OPCML: variants seen among roughly 807,000 people sequenced by gnomAD.
OPCML encodes the protein opioid binding protein/cell adhesion molecule like.
Under a neutral mutation model 37.8 loss-of-function variants are expected in OPCML, and 13 were observed. That is an observed-to-expected ratio of 0.34 (90% CI 0.22 to 0.55). OPCML has a LOEUF of 0.55. Among genes scored for constraint, OPCML ranks in the 20% least tolerant of loss-of-function variants. The probability of loss-of-function intolerance (pLI) is 0.91; values close to 1 mark genes in which losing one functional copy is unlikely to be tolerated. For synonymous variants in OPCML, 176 were observed against 168.8 expected, an observed-to-expected ratio of 1.04 and a Z score of -0.33; for missense variants, 341 against 435.6, an observed-to-expected ratio of 0.78 and a Z score of 1.93.
chr11:133,400,359 C>T (rs1034332162), intron 1 of OPCML, among the ~76,000 whole-genome samples: 1 of 152,188 alleles, frequency 6.6e-6, no homozygotes, highest in Admixed American at 6.5e-5. Flanking sequence ...TTTACTCAGC[C>T]TCCTCAAAGC....
chr11:132,441,165 G>GTTTTTTGTTTTTTTT (rs2096031891), intron 4 of OPCML, among the ~76,000 whole-genome samples: 11 of 72,398 alleles, frequency 1.5e-4, no homozygotes, highest in African/African-American at 1.2e-3. Context: ...GGACTTTTTT[G>GTTTTTTGTTTTTTTT]TTTTTTTTTT....
chr11:132,731,054 C>A (rs943924154), intron 2 of OPCML, among the ~76,000 whole-genome samples: 12 of 152,150 alleles, frequency 7.9e-5, no homozygotes, highest in African/African-American at 2.9e-4. Context: ...TTCAGGAGAA[C>A]TTTCTGTGAT....
At chr11:132,554,883 T>TTTTTTTCTTTTTTC in intron 3 of OPCML, among the ~76,000 whole-genome samples, 1 of 125,740 alleles carries the variant, frequency 8.0e-6, no homozygotes, top group East Asian at 3.5e-4. Flanking sequence ...TTTTTTTTTT[T>TTTTTTTCTTTTTTC]TTTTTTTTCA....
Position 132,687,369 on chromosome 11 carries a change from CATATATATATATATATATATATAT to C in OPCML, c.147-30074_147-30051del, listed in dbSNP as rs56834972. Among the ~76,000 whole-genome samples, 345 of 49,420 alleles carry C rather than the reference CATATATATATATATATATATATAT, an allele frequency of 7.0e-3. 7 individuals are homozygous for C. Among genetic ancestry groups the C allele is most frequent in the East Asian group, 0.025 (24 of 974 alleles). 32.4% of individuals were successfully genotyped at this position (49,420 alleles called of 152,430 possible). A position where few individuals can be genotyped will look rare whatever the true frequency, so the allele number is the denominator to read the frequency against. ...ATATAAACTGCTCTGCCTTAAGCTA[CATATATATATATATATATATATAT>C]ATATATATATATATATATATATATA... On this transcript the variant is annotated intron_variant, in intron 2 of 7. Coordinates refer to ENST00000524381, the MANE Select transcript of OPCML (RefSeq NM_001012393.5).
intron 3 of OPCML, among the ~76,000 whole-genome samples, chr11:132,604,665 C>T (rs746355768): frequency 6.6e-6 from 1 of 152,174 alleles, no homozygotes; most frequent in African/African-American, 2.4e-5. Context: ...TGTTTGAAGG[C>T]GCCAACATTC....
At chr11:132,625,832 T>G (rs1355089268) in intron 3 of OPCML, among the ~76,000 whole-genome samples, 1 of 152,102 alleles carries the variant, frequency 6.6e-6, no homozygotes, top group African/African-American at 2.4e-5. Context: ...ATCTTTCAAA[T>G]TCCTAATTGT....
chr11:133,496,717 A>G (rs1047777719), intron 1 of OPCML, among the ~76,000 whole-genome samples: 2 of 152,228 alleles, frequency 1.3e-5, no homozygotes, highest in African/African-American at 4.8e-5. Flanking sequence ...CTGTTGGTAT[A>G]TAGAAGAGCT....
At chr11:132,813,560 C>T (rs1310137395) in intron 2 of OPCML, among the ~76,000 whole-genome samples, 2 of 152,112 alleles carry the variant, frequency 1.3e-5, no homozygotes, top group African/African-American at 2.4e-5. Context: ...CTTCTGTATC[C>T]CCATCTTAAA....
At position 133,407,720 on chromosome 11, in the gene OPCML, A is replaced by C. The variant is rs145542270; in HGVS notation, c.61+124544T>G. ...TGCTCCCTAGAGAAAGGAGGCTGACAGGTCAGAGACTGTGGTCAGAGAGGA... is the reference window on the plus strand; with the variant it reads ...TGCTCCCTAGAGAAAGGAGGCTGACCGGTCAGAGACTGTGGTCAGAGAGGA... On this transcript the variant is annotated intron_variant, in intron 1 of 7. Coordinates refer to ENST00000524381, the MANE Select transcript of OPCML (RefSeq NM_001012393.5). 4.3e-4 allele frequency among the ~76,000 whole-genome samples: 66 copies of C among 152,352 alleles called. 2 individuals are homozygous for C. The East Asian group carries it at 0.012, about 28-fold the overall frequency.
chr11:133,426,758 A>C (rs1327440197), intron 1 of OPCML, among the ~76,000 whole-genome samples: 2 of 152,174 alleles, frequency 1.3e-5, no homozygotes, highest in Non-Finnish European at 2.9e-5. Context: ...ACGTGGTAGA[A>C]AGAGGAAGAG....
chr11:133,188,209 CTTCAT>C (rs776439897), intron 1 of OPCML, among the ~76,000 whole-genome samples: 7 of 152,192 alleles, frequency 4.6e-5, no homozygotes, highest in Non-Finnish European at 1.0e-4. Context: ...ATCATTAGGA[CTTCAT>C]TGAGTTCCTG....
chr11:133,149,158 C>T (rs1949939228), intron 1 of OPCML, among the ~76,000 whole-genome samples: 2 of 152,198 alleles, frequency 1.3e-5, no homozygotes, highest in Non-Finnish European at 2.9e-5. Context: ...TCCTCTTCAT[C>T]TCTGAAGGTC....
At chr11:132,769,922 A>G (rs907114896) in intron 2 of OPCML, among the ~76,000 whole-genome samples, 7 of 152,112 alleles carry the variant, frequency 4.6e-5, no homozygotes, top group African/African-American at 1.7e-4. Context: ...TTCAAATGCA[A>G]TTTTGAAGAT....
In OPCML at chr11:133,140,988, A is replaced by AGACGAAGAAGAC. The variant is rs1164695989; in HGVS notation, c.62-197979_62-197978insGTCTTCTTCGTC. Among the ~76,000 whole-genome samples the AGACGAAGAAGAC allele has an allele frequency of 4.5e-4, 2 of 4,428 alleles. 1 individual carries two copies. Among genetic ancestry groups the AGACGAAGAAGAC allele is most frequent in the African/African-American group, 7.7e-4 (2 of 2,614 alleles). 2.9% of individuals were successfully genotyped at this position (4,428 alleles called of 152,430 possible). Reference sequence around the variant, plus strand: ...AAGAAGAAGAAGAAGAAGAAGAAGAAGAAGAAGAAGACGACGACGACGACG... The same window carrying AGACGAAGAAGAC: ...AAGAAGAAGAAGAAGAAGAAGAAGAAGACGAAGAAGACGAAGAAGAAGACGACGACGACGACG... On this transcript the variant is annotated intron_variant, in intron 1 of 7. Transcript: ENST00000524381.
At chr11:132,513,186 A>T (rs1218352851) in intron 4 of OPCML, among the ~76,000 whole-genome samples, 1 of 152,132 alleles carries the variant, frequency 6.6e-6, no homozygotes, top group Non-Finnish European at 1.5e-5. Context: ...GGTTTATGTT[A>T]GAAATCTGAG....
chr11:132,715,930 A>G (rs1206601024), intron 2 of OPCML, among the ~76,000 whole-genome samples: 7 of 152,208 alleles, frequency 4.6e-5, no homozygotes, highest in Admixed American at 2.0e-4. Flanking sequence ...TGCTCGATAG[A>G]AGGCATGTTT....
rs191676611 is a variant in OPCML, at chr11:132,532,546, G to T, written c.380-3360C>A. ...AAACTGAGGCATGGGGAGATAAATG[G>T]ATCAAAATTACAGGGTTAGTAAATG... On this transcript the variant is annotated intron_variant, in intron 3 of 7. Transcript: ENST00000524381. 1.9e-3 allele frequency among the ~76,000 whole-genome samples: 282 copies of T among 152,172 alleles called. 1 individual carries two copies. The highest frequency in any genetic ancestry group is 6.4e-3 in the African/African-American group (266 of 41,524).
intron 1 of OPCML, among the ~76,000 whole-genome samples, chr11:133,503,486 G>A (rs1003128055): frequency 6.6e-6 from 1 of 152,202 alleles, no homozygotes; most frequent in Non-Finnish European, 1.5e-5. Flanking sequence ...TTGCTTAGCA[G>A]CTTTTGACAC....
intron 3 of OPCML, among the ~76,000 whole-genome samples, chr11:132,622,697 C>T (rs1343405005): frequency 6.6e-6 from 1 of 152,102 alleles, no homozygotes; most frequent in Non-Finnish European, 1.5e-5. Flanking sequence ...ATCCCATGGC[C>T]CTAGGATGGA....
Sources: allele counts gnomAD v4.1 joint callset (sites outside exome capture counted in the v4.1 genomes callset), GRCh38; gene constraint gnomAD v4.1.1; transcripts MANE v1.5; gene names NCBI Gene and HGNC (gene_info 2026-07-23, HGNC 2026-07-21).